Variants in AMZ2 observed in about 807,000 individuals in gnomAD.
AMZ2 encodes archaelysin family metallopeptidase 2.
AMZ2 carries 26 observed loss-of-function variants against 36.7 expected under a neutral mutation model. The ratio of observed to expected loss-of-function variants is 0.71; its 90% CI spans 0.52 to 0.98. The LOEUF (loss-of-function observed/expected upper bound fraction) is 0.98. Ranked by LOEUF, AMZ2 falls within the 50% of genes least tolerant of loss-of-function variation. The pLI, the probability that AMZ2 is intolerant of heterozygous loss-of-function variation, is 0.00. For missense variants in AMZ2, 394 were observed against 430.5 expected, an observed-to-expected ratio of 0.92 and a Z score of 0.75; for synonymous variants, 144 against 149.1, an observed-to-expected ratio of 0.97 and a Z score of 0.25.
chr17:68,245,200 T>TAA (rs71355810), upstream of AMZ2, among the ~76,000 whole-genome samples: 175 of 141,664 alleles, frequency 1.2e-3, 1 homozygote, highest in African/African-American at 3.8e-3. Flanking sequence ...CCTTCTAATG[T>TAA]AAAAAAAAAA....
chr17:68,217,747 T>G (rs1862661721), intron 1 of AMZ2, among the ~76,000 whole-genome samples: 1 of 152,178 alleles, frequency 6.6e-6, no homozygotes, highest in African/African-American at 2.4e-5. Context: ...ATTATTGCTT[T>G]TATTTAATAA....
intron 1 of AMZ2, among the ~76,000 whole-genome samples, chr17:68,216,709 G>A (rs1349467320): frequency 1.3e-5 from 2 of 152,278 alleles, no homozygotes; most frequent in Non-Finnish European, 2.9e-5. Flanking sequence ...TACTGTAATG[G>A]TTTTTGTTAT....
upstream of AMZ2, chr17:68,247,781 C>G: frequency 3.0e-6 from 3 of 985,572 alleles, no homozygotes; most frequent in Non-Finnish European, 3.6e-6. Flanking sequence ...AGAACCGGGC[C>G]GCGGAGCCGC....
chr17:68,234,311 T>G lies in AMZ2; in HGVS notation c.-66-14329T>G, dbSNP rs578062727. On this transcript the variant is annotated intron_variant, in intron 1 of 7. Coordinates refer to the AMZ2 transcript ENST00000674770. ...AAAAAAAATTAAGATTAACCAGGTGTGGTGGCACATACCTGTAGTCCCAGC... is the reference window on the plus strand; with the variant it reads ...AAAAAAAATTAAGATTAACCAGGTGGGGTGGCACATACCTGTAGTCCCAGC... Among the ~76,000 whole-genome samples, 3 of 151,376 alleles carry G rather than the reference T, an allele frequency of 2.0e-5. No homozygotes were observed. In the South Asian group the frequency reaches 6.3e-4, roughly 32 times the overall value.
At chr17:68,249,298 C>T (rs115041297) in intron 1 of AMZ2, 3 of 240,004 alleles carry the variant, frequency 1.2e-5, no homozygotes, top group African/African-American at 6.8e-5. Flanking sequence ...TCATGTGGCA[C>T]TGATGAGTTA....
At chr17:68,240,166 A>G (rs6501321) in intron 1 of AMZ2, among the ~76,000 whole-genome samples, 86,820 of 152,020 alleles carry the variant, frequency 0.57, 25,957 homozygotes, top group African/African-American at 0.76. Flanking sequence ...GTGGCCTCAC[A>G]TGGCAGAAGG....
chr17:68,209,630 A>ATTTTTTTTTTTT lies in AMZ2; in HGVS notation c.-67+3393_-67+3394insTTTTTTTTTTTT, dbSNP rs1339157573. On this transcript the variant is annotated intron_variant, in intron 1 of 7. Transcript: ENST00000674770. ...TATATGTATATATATATATATATAT[A>ATTTTTTTTTTTT]TATTTTTTTTTTTTTTTATACAGAG... Among the ~76,000 whole-genome samples, 89 of 98,432 alleles carry ATTTTTTTTTTTT rather than the reference A, an allele frequency of 9.0e-4. 1 individual carries two copies. Among genetic ancestry groups the ATTTTTTTTTTTT allele is most frequent in the African/African-American group, 4.2e-3 (87 of 20,924 alleles). The allele number at this position is 98,432 out of a possible 152,430, so 64.6% of individuals were successfully genotyped here.
chr17:68,225,026 A>C (rs1394142220), intron 1 of AMZ2, among the ~76,000 whole-genome samples: 10 of 137,154 alleles, frequency 7.3e-5, no homozygotes, highest in Admixed American at 3.1e-4. Context: ...AAAAAAAAAA[A>C]CACACACACA....
chr17:68,228,683 T>C (rs1403187403), intron 1 of AMZ2, among the ~76,000 whole-genome samples: 1 of 152,238 alleles, frequency 6.6e-6, no homozygotes, highest in Non-Finnish European at 1.5e-5. Context: ...TGGCAAGCAT[T>C]TATTGAGCAT....
intron 1 of AMZ2, among the ~76,000 whole-genome samples, chr17:68,221,727 T>TA (rs1207062271): frequency 3.4e-5 from 4 of 117,938 alleles, no homozygotes; most frequent in Admixed American, 8.3e-5. Flanking sequence ...GACTCTGTCT[T>TA]AAAAAAAAGA....
chr17:68,207,313 A>ACACC (rs1555724633), intron 1 of AMZ2: 1 of 110,654 alleles, frequency 9.0e-6, no homozygotes, highest in Non-Finnish European at 1.9e-5. Context: ...TTTGTTAAAT[A>ACACC]CCCCCCCCCC....
intron 1 of AMZ2, among the ~76,000 whole-genome samples, chr17:68,218,927 C>T (rs1175973012): frequency 1.3e-5 from 2 of 152,198 alleles, no homozygotes; most frequent in African/African-American, 2.4e-5. Context: ...AGTGTCATCT[C>T]GATTAGACTA....
intron 1 of AMZ2, 198 bp from the exon 2 acceptor site, chr17:68,249,990 T>C: frequency 4.9e-6 from 3 of 608,938 alleles, no homozygotes; most frequent in Non-Finnish European, 8.4e-6. Flanking sequence ...GAGGAATGGA[T>C]TTCATGATTG....
intron 1 of AMZ2, among the ~76,000 whole-genome samples, chr17:68,209,200 T>TA (rs1555725122): frequency 1.1e-5 from 1 of 88,540 alleles, no homozygotes. Flanking sequence ...TTTAGTACTT[T>TA]TTTTTTTTTT....
intron 6 of AMZ2, 49 bp downstream of exon 6, chr17:68,255,925 T>C: frequency 6.4e-7 from 1 of 1,572,650 alleles, no homozygotes; most frequent in South Asian, 1.1e-5. Flanking sequence ...GTTATCTGAG[T>C]AGCAAACCCA....
At chr17:68,218,749 C>T (rs1410323281) in intron 1 of AMZ2, among the ~76,000 whole-genome samples, 1 of 152,216 alleles carries the variant, frequency 6.6e-6, no homozygotes, top group South Asian at 2.1e-4. Context: ...CCCCCCATTA[C>T]CTACTCTTCA....
At chr17:68,220,869 G>A (rs111786266) in intron 1 of AMZ2, among the ~76,000 whole-genome samples, 3,167 of 145,758 alleles carry the variant, frequency 0.022, 118 homozygotes, top group African/African-American at 0.074. Context: ...TACAACCTCC[G>A]CCTCCTGGGT....
intron 4 of AMZ2, among the ~76,000 whole-genome samples, chr17:68,253,087 C>T (rs1425204328): frequency 1.3e-5 from 2 of 151,854 alleles, no homozygotes; most frequent in Admixed American, 1.3e-4. Flanking sequence ...GCATTGACTA[C>T]GAAAAAAATA....
chr17:68,230,912 T>TA (rs1167764329), intron 1 of AMZ2, among the ~76,000 whole-genome samples: 1 of 152,226 alleles, frequency 6.6e-6, no homozygotes, highest in Admixed American at 6.5e-5. Flanking sequence ...AAAGCCTAGT[T>TA]ATGCTCATTT....
Sources: allele counts gnomAD v4.1 joint callset (sites outside exome capture counted in the v4.1 genomes callset), GRCh38; gene constraint gnomAD v4.1.1; transcripts MANE v1.5; gene names NCBI Gene and HGNC (gene_info 2026-07-23, HGNC 2026-07-21).